The following PDE10A variants were observed in gnomAD, a reference collection of about 807,000 sequenced individuals.
PDE10A encodes phosphodiesterase 10A.
Under a neutral mutation model 97.7 loss-of-function variants are expected in PDE10A, and 39 were observed. The ratio of observed to expected loss-of-function variants is 0.40; its 90% CI spans 0.31 to 0.52. The LOEUF (loss-of-function observed/expected upper bound fraction) is 0.52, where lower values mean the gene tolerates loss of function less well. Ranked by LOEUF, PDE10A falls within the 20% of genes least tolerant of loss-of-function variation. The pLI is 0.56. For synonymous variants in PDE10A, 371 were observed against 376.8 expected, an observed-to-expected ratio of 0.98 and a Z score of 0.18; for missense variants, 731 against 1,047.8, an observed-to-expected ratio of 0.70 and a Z score of 4.17.
intron 1 of PDE10A, among the ~76,000 whole-genome samples, chr6:165,557,037 G>T (rs1199974531): frequency 6.6e-6 from 1 of 152,132 alleles, no homozygotes; most frequent in Non-Finnish European, 1.5e-5. Context: ...TACTCGGGAG[G>T]CTGAGGCAGA....
exon 1 of PDE10A, chr6:165,987,621 A>C (rs1785261963): frequency 2.4e-6 from 1 of 420,336 alleles, no homozygotes; most frequent in Non-Finnish European, 4.7e-6. Context: ...AAAAGAAAAA[A>C]AAAGGCAAGG....
intron 3 of PDE10A, among the ~76,000 whole-genome samples, chr6:165,462,854 A>G (rs1778409425): frequency 6.6e-6 from 1 of 152,220 alleles, no homozygotes; most frequent in Non-Finnish European, 1.5e-5. Flanking sequence ...TTGGCTGGCA[A>G]TAATGCCTAG....
At chr6:165,545,164 A>G (rs748434707) in intron 1 of PDE10A, 2 of 505,714 alleles carry the variant, frequency 4.0e-6, no homozygotes, top group South Asian at 1.4e-5. Flanking sequence ...CACTCCCATG[A>G]CACAAGGCTA....
intron 7 of PDE10A, among the ~76,000 whole-genome samples, chr6:165,431,869 A>G (rs974392429): frequency 6.6e-6 from 1 of 152,144 alleles, no homozygotes; most frequent in Non-Finnish European, 1.5e-5. Context: ...GCTGTAGCCC[A>G]ATGATTTTCA....
intron 1 of PDE10A, among the ~76,000 whole-genome samples, chr6:165,823,524 ATGAACCTTAATTATAAATAT>A (rs1779639748): frequency 1.9e-4 from 15 of 79,448 alleles, no homozygotes; most frequent in East Asian, 5.8e-4. Context: ...ATATATATAT[ATGAACCTTAATTATAAATAT>A]TATATAGAAA....
At chr6:165,838,327 T>C (rs1011767118) in intron 1 of PDE10A, among the ~76,000 whole-genome samples, 3 of 152,206 alleles carry the variant, frequency 2.0e-5, no homozygotes, top group Non-Finnish European at 4.4e-5. Context: ...TTTTCTAAGA[T>C]TTTTTTGACC....
chr6:165,534,609 G>A (rs510369), intron 2 of PDE10A, among the ~76,000 whole-genome samples: 105,158 of 151,862 alleles, frequency 0.69, 39,679 homozygotes, highest in Non-Finnish European at 0.83. Flanking sequence ...ATAATTAAGC[G>A]GGATTCATAT....
rs1352824040 is a variant in PDE10A at position 165,710,593 on chromosome 6, T to TC, written c.-614-167026dup. On this transcript the variant is annotated intron_variant, in intron 1 of 19. Coordinates refer to the PDE10A transcript ENST00000366882. ...AAATTTGCTTCCAAAGTTCCAATAA[T>TC]CCCATTTCATAACGTTTTTGAATAA... 3.9e-5 allele frequency among the ~76,000 whole-genome samples: 6 copies of TC among 152,204 alleles called. 1 individual carries two copies. The highest frequency in any genetic ancestry group is 3.9e-4 in the Admixed American group (6 of 15,280).
chr6:165,962,140 C>T (rs1000956028), intron 1 of PDE10A, among the ~76,000 whole-genome samples: 2 of 152,212 alleles, frequency 1.3e-5, no homozygotes, highest in Non-Finnish European at 2.9e-5. Flanking sequence ...GTTTATTTGC[C>T]CCCACGGGCA....
At chr6:165,864,887 T>G (rs957735701) in intron 1 of PDE10A, among the ~76,000 whole-genome samples, 14 of 152,244 alleles carry the variant, frequency 9.2e-5, no homozygotes, top group South Asian at 2.1e-4. Flanking sequence ...TAACATATAA[T>G]ACTATGTGTA....
In PDE10A at chr6:165,985,479, A is replaced by G. The variant is rs370063549; in HGVS notation, c.-615+2050T>C. ...TTTCACCACCACGTCTCTCCTTGAA[A>G]TCACAGCACATCACCCCATTTGCTT... On this transcript the variant is annotated intron_variant, in intron 1 of 19. Transcript: ENST00000366882. Among the ~76,000 whole-genome samples, 8 of 152,180 alleles carry G rather than the reference A, an allele frequency of 5.3e-5. No individual in the cohort carries two copies. The East Asian group carries it at 5.8e-4, about 11-fold the overall frequency.
At chr6:165,813,674 C>T (rs1353069664) in intron 1 of PDE10A, among the ~76,000 whole-genome samples, 1 of 152,086 alleles carries the variant, frequency 6.6e-6, no homozygotes, top group Non-Finnish European at 1.5e-5. Context: ...CAAATAAACT[C>T]CATTAAATGT....
intron 3 of PDE10A, among the ~76,000 whole-genome samples, chr6:165,455,939 A>G (rs1044170060): frequency 6.6e-6 from 1 of 152,220 alleles, no homozygotes; most frequent in Non-Finnish European, 1.5e-5. Flanking sequence ...TTACATAATT[A>G]CAGAATTTAC....
rs76198449 is a variant in PDE10A at position 165,569,920 on chromosome 6, C to A, written c.866-26352G>T. 1.3e-3 allele frequency among the ~76,000 whole-genome samples: 199 copies of A among 152,192 alleles called. 3 individuals are homozygous for A. The East Asian group carries it at 0.033, about 25-fold the overall frequency. On this transcript the variant is annotated intron_variant, in intron 1 of 21. Transcript: ENST00000539869. ...AAAAAATTAAGCAGGAAAAACTTTC[C>A]AATGTAAACTACACAAAAATTACCT...
chr6:165,817,733 T>C (rs189558976), intron 1 of PDE10A, among the ~76,000 whole-genome samples: 1 of 152,154 alleles, frequency 6.6e-6, no homozygotes, highest in Non-Finnish European at 1.5e-5. Flanking sequence ...AACTGGGTTG[T>C]AGCGTTGACT....
chr6:165,521,041 T>C (rs1171407145), intron 2 of PDE10A, among the ~76,000 whole-genome samples: 1 of 152,170 alleles, frequency 6.6e-6, no homozygotes, highest in Non-Finnish European at 1.5e-5. Context: ...AGCACCATTT[T>C]TCCAACAGCA....
chr6:165,944,917 G>A, intron 1 of PDE10A, among the ~76,000 whole-genome samples: 1 of 152,198 alleles, frequency 6.6e-6, no homozygotes, highest in East Asian at 1.9e-4. Flanking sequence ...TGCTCAGAAG[G>A]CAGGGCTTCA....
chr6:165,396,459 T>C lies in PDE10A; in HGVS notation c.2077A>G (p.Met693Val), dbSNP rs1786168162. ...FCALALHCAN[M>V]YHRIRHSECI... The stretch of plus-strand genomic sequence containing the variant: ...TCTGAGTGGCGAATTCTATGATACA[T>C]CTAGAAGGCAAATCCAAAAAAAAAA... The change falls in exon 14 of 22, where the codon ATG becomes GTG. Residue 693 changes from methionine to valine, a missense_variant and splice_region_variant. Coordinates refer to ENST00000539869, the MANE Select transcript of PDE10A (RefSeq NM_001385079.1). The C allele has an allele frequency of 6.3e-7, 1 of 1,594,140 alleles. No individual in the cohort carries two copies. The highest frequency in any genetic ancestry group is 8.5e-7 in the Non-Finnish European group (1 of 1,172,988).
rs1781604370 is a variant in PDE10A at position 165,885,467 on chromosome 6, T to C, written c.-615+102062A>G. On this transcript the variant is annotated intron_variant, in intron 1 of 19. Coordinates refer to the PDE10A transcript ENST00000366882. ...ATCCAATCACCTCCCGCCAGGTGCCTCCCCTGACACATGAGGATTAGAATT... is the reference window on the plus strand; with the variant it reads ...ATCCAATCACCTCCCGCCAGGTGCCCCCCCTGACACATGAGGATTAGAATT... 3.9e-5 allele frequency among the ~76,000 whole-genome samples: 6 copies of C among 152,224 alleles called. No individual in the cohort carries two copies. In the South Asian group the frequency reaches 1.0e-3, roughly 26 times the overall value.
Sources: allele counts gnomAD v4.1 joint callset (sites outside exome capture counted in the v4.1 genomes callset), GRCh38; gene constraint gnomAD v4.1.1; transcripts MANE v1.5; gene names NCBI Gene and HGNC (gene_info 2026-07-23, HGNC 2026-07-21).